PRKAR1A: variants seen among roughly 807,000 people sequenced by gnomAD.
PRKAR1A encodes cAMP-dependent protein kinase type I-alpha regulatory subunit.
A neutral mutation model predicts 52.0 loss-of-function variants in PRKAR1A; 3 were observed. That is an observed-to-expected ratio of 0.06 (90% CI 0.03 to 0.15). PRKAR1A has a LOEUF of 0.15. Ranked by LOEUF, PRKAR1A falls within the 10% of genes least tolerant of loss-of-function variation. PRKAR1A has a pLI of 1.00. For missense variants in PRKAR1A, 240 were observed against 477.4 expected (o/e 0.50, Z 4.63); for synonymous variants, 188 against 168.4 (o/e 1.12, Z -0.90).
the PRKAR1A span, among the ~76,000 whole-genome samples, chr17:68,467,534 TC>T: frequency 6.6e-6 from 1 of 152,306 alleles, no homozygotes; most frequent in Non-Finnish European, 1.5e-5. Flanking sequence ...CCTTGGGACA[TC>T]TAACCAGTGC....
At chr17:68,474,423 A>G in the PRKAR1A span, among the ~76,000 whole-genome samples, 3 of 152,124 alleles carry the variant, frequency 2.0e-5, no homozygotes, top group Admixed American at 6.5e-5. Flanking sequence ...TTGAGGCTTG[A>G]GTGACTTGTA....
chr17:68,525,107 CAG>C, intron 6 of PRKAR1A, 149 bp downstream of exon 6: 2 of 685,828 alleles, frequency 2.9e-6, no homozygotes, highest in Non-Finnish European at 5.0e-6. Context: ...TTTTATGACA[CAG>C]AGAAACTCTT....
chr17:68,422,295 C>T, the PRKAR1A span: 12 of 162,110 alleles, frequency 7.4e-5, no homozygotes, highest in East Asian at 3.3e-4. Flanking sequence ...GGCATGGTGG[C>T]GCTCACCTGT....
chr17:68,426,254 G>GGGCCCC, the PRKAR1A span: 1 of 816,916 alleles, frequency 1.2e-6, no homozygotes, highest in East Asian at 3.5e-5. Flanking sequence ...GGGAGCGGGG[G>GGGCCCC]CTCAAATAAA....
the PRKAR1A span, among the ~76,000 whole-genome samples, chr17:68,482,057 T>C: frequency 6.6e-6 from 1 of 152,172 alleles, no homozygotes; most frequent in Admixed American, 6.5e-5. Context: ...AAGTGCTGTG[T>C]GTTCCAGTGG....
chr17:68,426,249 C>CGGGGGGGGGGGGG, the PRKAR1A span: 1 of 776,014 alleles, frequency 1.3e-6, no homozygotes, highest in Non-Finnish European at 1.9e-6. Flanking sequence ...GGGTGGGGAG[C>CGGGGGGGGGGGGG]GGGGGCTCAA....
chr17:68,435,900 G>C, the PRKAR1A span, among the ~76,000 whole-genome samples: 40 of 152,316 alleles, frequency 2.6e-4, no homozygotes, highest in Admixed American at 1.6e-3. Context: ...GGCTTCAAGG[G>C]CCACTCCATT....
At chr17:68,541,026 C>T (rs1490247823) in intron 11 of PRKAR1A, 2 of 1,546,272 alleles carry the variant, frequency 1.3e-6, no homozygotes, top group Non-Finnish European at 1.7e-6. Flanking sequence ...TCTCCCCACA[C>T]CTCCCCCTGC....
chr17:68,515,324 G>A, intron 1 of PRKAR1A, 70 bp from the exon 2 acceptor site: 1 of 1,557,862 alleles, frequency 6.4e-7, no homozygotes, highest in Non-Finnish European at 8.8e-7. Flanking sequence ...AATGAATTTA[G>A]CAAGTTAAAT....
upstream of PRKAR1A, among the ~76,000 whole-genome samples, chr17:68,510,344 T>C (rs1267402289): frequency 3.3e-5 from 5 of 152,216 alleles, no homozygotes; most frequent in African/African-American, 1.2e-4. Flanking sequence ...TAAGAGTTAC[T>C]ATGAGGATTA....
intron 11 of PRKAR1A, chr17:68,543,621 G>A (rs2086412626): frequency 6.2e-7 from 1 of 1,613,844 alleles, no homozygotes; most frequent in Non-Finnish European, 8.5e-7. Context: ...CATGGGGCCA[G>A]ACCCTACCTG....
At chr17:68,508,446 A>T (rs1254185469), upstream of PRKAR1A, among the ~76,000 whole-genome samples, 1 of 152,230 alleles carries the variant, frequency 6.6e-6, no homozygotes, top group African/African-American at 2.4e-5. Flanking sequence ...AAACTACCGC[A>T]TGTTCTCACT....
the PRKAR1A span, among the ~76,000 whole-genome samples, chr17:68,430,956 G>A: frequency 6.6e-6 from 1 of 152,122 alleles, no homozygotes; most frequent in Non-Finnish European, 1.5e-5. Context: ...CTACCAATGG[G>A]CTAGGGGGTC....
the PRKAR1A span, among the ~76,000 whole-genome samples, chr17:68,419,796 G>GA: frequency 0.33 from 45,800 of 137,090 alleles, 7,614 homozygotes; most frequent in South Asian, 0.44. Context: ...CCTGTCTCTG[G>GA]AAAAAAAAAA....
chr17:68,505,176 T>G, the PRKAR1A span, among the ~76,000 whole-genome samples: 10 of 152,168 alleles, frequency 6.6e-5, no homozygotes, highest in African/African-American at 2.4e-4. Flanking sequence ...TGTGCACCTG[T>G]AGTCCCAGCT....
At chr17:68,539,462 C>G (rs2086195497) in intron 11 of PRKAR1A, 7 of 1,413,260 alleles carry the variant, frequency 5.0e-6, no homozygotes, top group South Asian at 4.6e-5. Context: ...GAGGCTTCCT[C>G]TCTCCTCTCA....
chr17:68,427,228 C>T, the PRKAR1A span: 1 of 1,614,040 alleles, frequency 6.2e-7, no homozygotes, highest in African/African-American at 1.3e-5. Flanking sequence ...TCTTTATTCT[C>T]TTCTGTTGTT....
chr17:68,519,037 T>C (rs1172093093), intron 2 of PRKAR1A, among the ~76,000 whole-genome samples: 1 of 152,186 alleles, frequency 6.6e-6, no homozygotes, highest in Non-Finnish European at 1.5e-5. Flanking sequence ...TCCATATTAC[T>C]ATCAGCATTT....
the PRKAR1A span, among the ~76,000 whole-genome samples, chr17:68,417,585 G>A: frequency 6.6e-6 from 1 of 151,832 alleles, no homozygotes; most frequent in Non-Finnish European, 1.5e-5. Context: ...CCTACTCCTG[G>A]CACTGGTTCT....
Sources: allele counts gnomAD v4.1 joint callset (sites outside exome capture counted in the v4.1 genomes callset), GRCh38; gene constraint gnomAD v4.1.1; transcripts MANE v1.5; gene names NCBI Gene and HGNC (gene_info 2026-07-23, HGNC 2026-07-21).